The following MPPED1 variants were observed in gnomAD, a reference collection of about 807,000 sequenced individuals.
The protein encoded by MPPED1 is metallophosphoesterase domain containing 1.
A neutral mutation model predicts 36.2 loss-of-function variants in MPPED1; 16 were observed. That is an observed-to-expected ratio of 0.44 (90% CI 0.30 to 0.67). The LOEUF (loss-of-function observed/expected upper bound fraction) is 0.67, where lower values mean the gene tolerates loss of function less well. Ranked by LOEUF, MPPED1 falls within the 30% of genes least tolerant of loss-of-function variation. The pLI, the probability that MPPED1 is intolerant of heterozygous loss-of-function variation, is 0.10. For missense variants in MPPED1, 307 were observed against 453.4 expected (o/e 0.68, Z 2.93); for synonymous variants, 199 against 191.3 (o/e 1.04, Z -0.33).
At chr22:43,459,828 G>A (rs1434664231) in intron 3 of MPPED1, among the ~76,000 whole-genome samples, 4 of 152,134 alleles carry the variant, frequency 2.6e-5, no homozygotes, top group African/African-American at 7.2e-5. Context: ...CTGGGTTTCC[G>A]CAAGGACGAT....
At chr22:43,480,893 G>A (rs779603403) in intron 4 of MPPED1, among the ~76,000 whole-genome samples, 3 of 148,456 alleles carry the variant, frequency 2.0e-5, no homozygotes, top group Admixed American at 6.8e-5. Flanking sequence ...GCATGATCTC[G>A]GCTCACTGCA....
intron 4 of MPPED1, among the ~76,000 whole-genome samples, chr22:43,475,551 T>A (rs1370319355): frequency 1.0e-4 from 3 of 29,788 alleles, no homozygotes; most frequent in Non-Finnish European, 1.6e-4. Context: ...GATGTGATGG[T>A]GATGGTGGTG....
chr22:43,486,615 G>A (rs1345019316), intron 4 of MPPED1, among the ~76,000 whole-genome samples: 1 of 152,114 alleles, frequency 6.6e-6, no homozygotes, highest in Non-Finnish European at 1.5e-5. Flanking sequence ...ATACCTGGCT[G>A]CTGGCAGGTC....
chr22:43,436,219 CAGAT>C (rs1447637890), intron 3 of MPPED1, among the ~76,000 whole-genome samples: 1 of 152,244 alleles, frequency 6.6e-6, no homozygotes, highest in East Asian at 1.9e-4. Flanking sequence ...CCGGGGAAGA[CAGAT>C]GGATGGCCCC....
chr22:43,500,892 A>G (rs1265852856), intron 5 of MPPED1, among the ~76,000 whole-genome samples: 1 of 151,990 alleles, frequency 6.6e-6, no homozygotes, highest in African/African-American at 2.4e-5. Flanking sequence ...CCAGAATTGG[A>G]GGAGGAGGGT....
At chr22:43,463,287 T>G (rs1357384579) in intron 3 of MPPED1, among the ~76,000 whole-genome samples, 2 of 152,024 alleles carry the variant, frequency 1.3e-5, no homozygotes, top group Non-Finnish European at 2.9e-5. Context: ...CTGATTTCTC[T>G]TCCTGCAACT....
chr22:43,432,552 G>A (rs1439452925), intron 2 of MPPED1, among the ~76,000 whole-genome samples: 2 of 117,962 alleles, frequency 1.7e-5, no homozygotes, highest in African/African-American at 7.1e-5. Context: ...AGAAAGAAAG[G>A]GAGGAGAGAG....
At chr22:43,453,106 C>T (rs765636805) in intron 3 of MPPED1, among the ~76,000 whole-genome samples, 7 of 151,954 alleles carry the variant, frequency 4.6e-5, no homozygotes, top group South Asian at 2.1e-4. Flanking sequence ...CCCGCTACCA[C>T]GCCCGGCTAA....
chr22:43,415,225 C>CAAAAAAAAA (rs34357060), intron 1 of MPPED1, among the ~76,000 whole-genome samples: 70 of 49,344 alleles, frequency 1.4e-3, no homozygotes, highest in Middle Eastern at 0.022. Context: ...ATGTCAAAAG[C>CAAAAAAAAA]AAAAAAAAAA....
At chr22:43,485,605 G>T (rs80124836) in intron 4 of MPPED1, among the ~76,000 whole-genome samples, 4,151 of 152,074 alleles carry the variant, frequency 0.027, 52 homozygotes, top group East Asian at 0.076. Context: ...TTCATCTTCC[G>T]TTCACCTGTC....
chr22:43,430,869 C>T (rs1408516434), intron 2 of MPPED1, among the ~76,000 whole-genome samples: 1 of 151,852 alleles, frequency 6.6e-6, no homozygotes, highest in Non-Finnish European at 1.5e-5. Context: ...ATTGTCATTG[C>T]AAGTATCAGA....
At chr22:43,453,537 A>G (rs1406068351) in intron 3 of MPPED1, among the ~76,000 whole-genome samples, 1 of 152,194 alleles carries the variant, frequency 6.6e-6, no homozygotes, top group Non-Finnish European at 1.5e-5. Context: ...TCTGATGATG[A>G]TGGGGGTGTG....
chr22:43,434,556 G>C (rs964651798), intron 2 of MPPED1, among the ~76,000 whole-genome samples: 3 of 152,242 alleles, frequency 2.0e-5, no homozygotes, highest in African/African-American at 7.2e-5. Context: ...GTCTAAAGCA[G>C]AGGTGGATGT....
intron 6 of MPPED1, among the ~76,000 whole-genome samples, chr22:43,505,136 G>C (rs1034276390): frequency 5.3e-5 from 8 of 150,726 alleles, no homozygotes; most frequent in African/African-American, 2.0e-4. Flanking sequence ...TCACGATAAG[G>C]GTGGTGGTGA....
At chr22:43,495,988 G>A (rs1174730248) in intron 4 of MPPED1, among the ~76,000 whole-genome samples, 20 of 133,520 alleles carry the variant, frequency 1.5e-4, no homozygotes, top group African/African-American at 2.5e-4. Flanking sequence ...TGGTGGAGAT[G>A]GTGGTGGTGG....
chr22:43,422,753 C>T (rs966394742), intron 1 of MPPED1, among the ~76,000 whole-genome samples: 17 of 152,136 alleles, frequency 1.1e-4, no homozygotes, highest in Admixed American at 4.6e-4. Context: ...GGTGAGCCGG[C>T]GCCTGGGACC....
chr22:43,504,211 G>A (rs1036038067), intron 6 of MPPED1, among the ~76,000 whole-genome samples: 1 of 152,158 alleles, frequency 6.6e-6, no homozygotes, highest in Middle Eastern at 3.4e-3. Context: ...TAAACGCAAT[G>A]GTGGTGATGA....
At position 43,415,668 on chromosome 22, in the gene MPPED1, C is replaced by T. The variant is rs888076971; in HGVS notation, c.-79+3510C>T. Among the ~76,000 whole-genome samples the T allele has an allele frequency of 7.2e-5, 11 of 152,194 alleles. No individual in the cohort carries two copies. In the South Asian group the frequency reaches 2.1e-3, roughly 29 times the overall value. The stretch of plus-strand genomic sequence containing the variant: ...ACCAGGTCATCATCATAAATAGAAG[C>T]AGCTGCGGGAAAAAATAAATAAATA... On this transcript the variant is annotated intron_variant, in intron 1 of 6. Coordinates refer to ENST00000443721, the MANE Select transcript of MPPED1 (RefSeq NM_001044370.2).
At chr22:43,490,974 C>A (rs150980659) in intron 4 of MPPED1, among the ~76,000 whole-genome samples, 2 of 140,028 alleles carry the variant, frequency 1.4e-5, no homozygotes, top group Non-Finnish European at 3.1e-5. Flanking sequence ...CACTAGGAAC[C>A]GCGGAAGGAA....
Sources: gnomAD v4.1 joint callset for allele counts (sites outside exome capture counted in the v4.1 genomes callset) on GRCh38, gnomAD v4.1.1 for gene constraint, MANE v1.5 for transcripts, NCBI Gene and HGNC (gene_info 2026-07-23, HGNC 2026-07-21) for gene names.